The following NELL1 variants were observed in gnomAD, a reference collection of about 807,000 sequenced individuals.
The protein encoded by NELL1 is neural EGFL like 1.
A neutral mutation model predicts 107.4 loss-of-function variants in NELL1; 76 were observed. That is an observed-to-expected ratio of 0.71 (90% confidence interval 0.59 to 0.86). NELL1 has a LOEUF of 0.86. NELL1 is among the 40% of genes least tolerant of loss of function. The pLI, the probability that NELL1 is intolerant of heterozygous loss-of-function variation, is 0.00. For missense variants in NELL1, 1,024 were observed against 1,005.5 expected, an observed-to-expected ratio of 1.02 and a Z score of -0.25; for synonymous variants, 353 against 341.2, an observed-to-expected ratio of 1.03 and a Z score of -0.38.
At chr11:20,752,004 G>A (rs578180674) in intron 2 of NELL1, among the ~76,000 whole-genome samples, 1 of 151,912 alleles carries the variant, frequency 6.6e-6, no homozygotes, top group Non-Finnish European at 1.5e-5. Context: ...TTCATTTACA[G>A]TGTTGTCATC....
At chr11:21,215,095 C>T (rs753499993) in intron 13 of NELL1, among the ~76,000 whole-genome samples, 3 of 152,070 alleles carry the variant, frequency 2.0e-5, no homozygotes, top group Non-Finnish European at 1.5e-5. Context: ...CTCCACATGT[C>T]GTGGGAGGGA....
chr11:21,119,528 G>A (rs999025181), intron 13 of NELL1, among the ~76,000 whole-genome samples: 1 of 152,078 alleles, frequency 6.6e-6, no homozygotes, highest in African/African-American at 2.4e-5. Flanking sequence ...ACATGAGTAT[G>A]TGTTATATAT....
chr11:21,468,987 G>T (rs1564909591), intron 15 of NELL1, among the ~76,000 whole-genome samples: 1 of 130,022 alleles, frequency 7.7e-6, no homozygotes, highest in Non-Finnish European at 1.8e-5. Context: ...GGAAATTCTG[G>T]GTGTTTTTTT....
At chr11:21,509,277 T>C (rs1477935823) in intron 15 of NELL1, among the ~76,000 whole-genome samples, 1 of 152,174 alleles carries the variant, frequency 6.6e-6, no homozygotes, top group African/African-American at 2.4e-5. Context: ...CGTTGGGGCA[T>C]AAATTATAGG....
intron 16 of NELL1, among the ~76,000 whole-genome samples, chr11:21,540,838 A>G (rs559460125): frequency 2.6e-5 from 4 of 152,086 alleles, no homozygotes; most frequent in African/African-American, 9.7e-5. Context: ...AATCCAAACC[A>G]TATCACTGGC....
intron 2 of NELL1, among the ~76,000 whole-genome samples, chr11:20,683,633 C>T (rs1854240666): frequency 6.6e-6 from 1 of 152,044 alleles, no homozygotes; most frequent in African/African-American, 2.4e-5. Context: ...ACATTTCTTT[C>T]TTCACTAATA....
At chr11:21,462,170 T>C (rs1853915711) in intron 15 of NELL1, among the ~76,000 whole-genome samples, 1 of 152,112 alleles carries the variant, frequency 6.6e-6, no homozygotes, top group African/African-American at 2.4e-5. Context: ...TGGAAATCTA[T>C]TCAAACTGTA....
intron 13 of NELL1, among the ~76,000 whole-genome samples, chr11:21,120,806 A>G (rs1855350204): frequency 6.6e-6 from 1 of 152,192 alleles, no homozygotes; most frequent in African/African-American, 2.4e-5. Flanking sequence ...GCATATTTCA[A>G]AACCAACCTA....
At chr11:20,845,233 C>G (rs994062346) in intron 3 of NELL1, among the ~76,000 whole-genome samples, 1 of 152,170 alleles carries the variant, frequency 6.6e-6, no homozygotes, top group African/African-American at 2.4e-5. Flanking sequence ...GACATTAGGA[C>G]AGACTTCTTT....
chr11:21,045,838 G>C (rs965397780), intron 12 of NELL1, among the ~76,000 whole-genome samples: 1 of 152,052 alleles, frequency 6.6e-6, no homozygotes, highest in Admixed American at 6.6e-5. Context: ...AGTCATAAAT[G>C]CCTTTCCACG....
chr11:21,554,424 GT>G (rs925204535), intron 16 of NELL1, among the ~76,000 whole-genome samples: 6 of 151,792 alleles, frequency 4.0e-5, no homozygotes, highest in Non-Finnish European at 7.4e-5. Flanking sequence ...TCAAAACCAT[GT>G]GAATTCATGT....
chr11:21,497,980 A>G (rs1306412722), intron 15 of NELL1, among the ~76,000 whole-genome samples: 1 of 151,808 alleles, frequency 6.6e-6, no homozygotes, highest in Non-Finnish European at 1.5e-5. Flanking sequence ...TTTGTCTGTT[A>G]CTTTGCATTC....
At chr11:21,212,924 T>G (rs1857531967) in intron 13 of NELL1, among the ~76,000 whole-genome samples, 1 of 152,208 alleles carries the variant, frequency 6.6e-6, no homozygotes, top group African/African-American at 2.4e-5. Flanking sequence ...AAGCTGTATC[T>G]ATTTACAGAA....
intron 16 of NELL1, among the ~76,000 whole-genome samples, 196 bp downstream of exon 16, chr11:21,534,710 A>G (rs977852084): frequency 1.3e-5 from 2 of 152,148 alleles, no homozygotes; most frequent in African/African-American, 4.8e-5. Context: ...GAATTTTTAT[A>G]TAGAAACTGT....
chr11:20,711,460 AT>A (rs1564874409), intron 2 of NELL1, among the ~76,000 whole-genome samples: 1 of 151,734 alleles, frequency 6.6e-6, no homozygotes, highest in African/African-American at 2.4e-5. Context: ...TCATTGTGTT[AT>A]TGTTTTATAG....
rs1853854269 is a variant in NELL1 at position 20,669,930 on chromosome 11, G to A, written c.55+152G>A. 5 of 668,970 alleles carry A rather than the reference G, an allele frequency of 7.5e-6. No homozygotes were observed. The highest frequency in any genetic ancestry group is 2.9e-5 in the East Asian group (1 of 34,720). 41.4% of individuals were successfully genotyped at this position (668,970 alleles called of 1,614,324 possible). ...CTGGGATCTCTTTGCCCTGCTCGGA[G>A]TGACAGGGTGAAAATAGGGACTCAC... is the stretch of plus-strand genomic sequence containing the variant. On this transcript the variant is annotated intron_variant, in intron 1 of 19. Coordinates refer to ENST00000357134, the MANE Select transcript of NELL1 (RefSeq NM_006157.5). This position sits in a 1 kb window ranked among gnomAD's most constrained non-coding sequence, Gnocchi z 4.4.
intron 12 of NELL1, among the ~76,000 whole-genome samples, chr11:21,071,193 A>G (rs1305964076): frequency 1.3e-5 from 2 of 152,190 alleles, no homozygotes; most frequent in Non-Finnish European, 2.9e-5. Flanking sequence ...TATAAATAGT[A>G]ACACCTCACT....
At chr11:21,546,329 C>A (rs184594583) in intron 16 of NELL1, among the ~76,000 whole-genome samples, 27 of 152,048 alleles carry the variant, frequency 1.8e-4, no homozygotes, top group African/African-American at 6.0e-4. Flanking sequence ...TCAGTGTGAG[C>A]AATTGTTTCA....
chr11:21,291,397 CAATAATAAGTTCTGA>C (rs60857093), intron 14 of NELL1, among the ~76,000 whole-genome samples: 133,604 of 151,706 alleles, frequency 0.88, 59,551 homozygotes, highest in Non-Finnish European at 0.95. Flanking sequence ...CAGAATAGAT[CAATAATAAGTTCTGA>C]AATTGAGATG....
Sources: allele counts gnomAD v4.1 joint callset (sites outside exome capture counted in the v4.1 genomes callset), GRCh38; gene constraint gnomAD v4.1.1; non-coding constraint Gnocchi (gnomAD v3.1); transcripts MANE v1.5; gene names NCBI Gene and HGNC (gene_info 2026-07-23, HGNC 2026-07-21).